Variants in MTIF2 observed in about 807,000 individuals in gnomAD.
MTIF2 encodes the protein mitochondrial translational initiation factor 2, also known as translation initiation factor IF-2, mitochondrial.
MTIF2 carries 71 observed loss-of-function variants against 83.5 expected under a neutral mutation model. That is an observed-to-expected ratio of 0.85 (90% confidence interval 0.70 to 1.04). MTIF2 has a LOEUF of 1.04. Among genes scored for constraint, MTIF2 ranks in the 50% least tolerant of loss-of-function variants. MTIF2 has a pLI of 0.00. For synonymous variants in MTIF2, 319 were observed against 287.1 expected (o/e 1.11, Z -1.12); for missense variants, 957 against 846.5 (o/e 1.13, Z -1.62).
intron 5 of MTIF2, among the ~76,000 whole-genome samples, chr2:55,256,883 G>A (rs921073469): frequency 1.3e-5 from 2 of 151,610 alleles, no homozygotes; most frequent in African/African-American, 4.8e-5. Flanking sequence ...ATTTTTTGTA[G>A]AGAAGGGTTC....
intron 10 of MTIF2, among the ~76,000 whole-genome samples, chr2:55,245,375 A>G (rs1276143997): frequency 6.6e-6 from 1 of 152,098 alleles, no homozygotes; most frequent in Non-Finnish European, 1.5e-5. Flanking sequence ...TACAAAAATT[A>G]GCCAGGCATG....
At chr2:55,268,201 C>T (rs879909819) in intron 2 of MTIF2, among the ~76,000 whole-genome samples, 52 of 151,718 alleles carry the variant, frequency 3.4e-4, no homozygotes, top group Non-Finnish European at 5.4e-4. Context: ...TGCAGTGAGC[C>T]GAGATCAGGC....
chr2:55,257,014 T>G (rs907344451), intron 5 of MTIF2, among the ~76,000 whole-genome samples: 1 of 152,194 alleles, frequency 6.6e-6, no homozygotes, highest in Non-Finnish European at 1.5e-5. Flanking sequence ...TCTTGAAATA[T>G]AGGAAAAATA....
At chr2:55,259,973 T>C (rs1405822484) in intron 5 of MTIF2, among the ~76,000 whole-genome samples, 1 of 152,136 alleles carries the variant, frequency 6.6e-6, no homozygotes, top group African/African-American at 2.4e-5. Context: ...TCAAGCCTAT[T>C]ATCAATACTA....
intron 3 of MTIF2, among the ~76,000 whole-genome samples, chr2:55,265,287 G>T (rs1274160590): frequency 6.7e-6 from 1 of 150,078 alleles, no homozygotes; most frequent in African/African-American, 2.5e-5. Context: ...TTCTTCTTAG[G>T]AAACATTTCC....
At chr2:55,261,927 TCAAAAAAAAAAAC>T (rs1437261430) in intron 5 of MTIF2, among the ~76,000 whole-genome samples, 1 of 76,522 alleles carries the variant, frequency 1.3e-5, no homozygotes, top group African/African-American at 5.9e-5. Context: ...AGACCCTGTC[TCAAAAAAAAAAAC>T]CAAAAAAAAA....
In MTIF2 at chr2:55,263,636, C is replaced by T. The variant is rs752841297; in HGVS notation, c.219+4G>A. ...AAAAAAAAAAAAAAGAAATCTGTAA[C>T]TACCTTTTTTGTTACTAGAAGCCTA... On this transcript the variant is annotated splice_donor_region_variant and intron_variant, in intron 4 of 15. Transcript: ENST00000263629. The T allele has an allele frequency of 6.4e-7, 1 of 1,569,536 alleles. No individual in the cohort carries two copies. Among genetic ancestry groups the T allele is most frequent in the African/African-American group, 1.4e-5 (1 of 72,490 alleles).
At chr2:55,243,958 G>A in intron 11 of MTIF2, 71 bp downstream of exon 11, 1 of 1,244,972 alleles carries the variant, frequency 8.0e-7, no homozygotes, top group Non-Finnish European at 1.1e-6. Flanking sequence ...CACATATTTG[G>A]TATAACATTG....
chr2:55,263,661 A>G lies in MTIF2; in HGVS notation c.198T>C (p.Tyr66=). 3 of 1,613,744 alleles carry G rather than the reference A, an allele frequency of 1.9e-6. No individual in the cohort carries two copies. The highest frequency in any genetic ancestry group is 2.5e-6 in the Non-Finnish European group (3 of 1,179,840). The change falls in exon 4 of 16, where the codon TAT becomes TAC. Residue 66 remains tyrosine, a synonymous_variant. Coordinates refer to ENST00000263629, the MANE Select transcript of MTIF2 (RefSeq NM_002453.3). ...CTACCTTTTTTGTTACTAGAAGCCT[A>G]TACTGAGATAAAGCAGCCCCAGTGA... ...DVLTGAALSQ[Y]RLLVTKKEEG...
intron 10 of MTIF2, among the ~76,000 whole-genome samples, chr2:55,244,839 T>C (rs202198242): frequency 1.3e-5 from 2 of 151,188 alleles, no homozygotes; most frequent in African/African-American, 4.9e-5. Flanking sequence ...CTGAGGTCAG[T>C]AGTTCAAGAC....
intron 5 of MTIF2, 32 bp from the exon 6 acceptor site, chr2:55,254,857 CATTA>C (rs1677392409): frequency 7.3e-7 from 1 of 1,371,532 alleles, no homozygotes; most frequent in Non-Finnish European, 9.7e-7. Flanking sequence ...CTTTTAGGAT[CATTA>C]ATTAAATGCT....
intron 13 of MTIF2, 48 bp from the exon 14 acceptor site, chr2:55,240,223 T>C (rs1287457293): frequency 1.4e-6 from 2 of 1,453,144 alleles, no homozygotes; most frequent in Non-Finnish European, 1.9e-6. Context: ...GATTACATTA[T>C]AATCATTTAT....
chr2:55,243,562 G>A lies in MTIF2; in HGVS notation c.1418C>T (p.Ala473Val). 6.2e-7 allele frequency: 1 copy of A among 1,613,964 alleles called. No homozygotes were observed. The highest frequency in any genetic ancestry group is 8.5e-7 in the Non-Finnish European group (1 of 1,179,976). Residue 473 changes from alanine (A) to valine (V), a missense_variant, in exon 12 of 16, where the codon GCA (alanine) becomes GTA (valine). Ala to Val is a moderately conservative substitution (Grantham distance 64, BLOSUM62 0). Around this residue, in one of 3 missense-constraint regions of MTIF2, gnomAD observed 733 missense variants for 648.7 expected, o/e 1.13. Coordinates refer to ENST00000263629, the MANE Select transcript of MTIF2 (RefSeq NM_002453.3). ...IEEKRKEHKEAHQKAREKYGH... is the reference protein window; with the variant it reads ...IEEKRKEHKEVHQKAREKYGH... ...ATACTTCTCACGGGCTTTCTGATGT[G>A]CTTCTTTGTGTTCCTTTCGCTTTTC...
chr2:55,244,025 A>G lies in MTIF2; in HGVS notation c.1311+4T>C, dbSNP rs749031375. On this transcript the variant is annotated splice_donor_region_variant and intron_variant, in intron 11 of 15. Transcript: ENST00000263629. Reference sequence around the variant, plus strand: ...CTAATATATAGGAATTAAGCTTGATACACCTCAGATTCTACTTCAAGAATT... The same window carrying G: ...CTAATATATAGGAATTAAGCTTGATGCACCTCAGATTCTACTTCAAGAATT... 2.5e-6 allele frequency: 4 copies of G among 1,611,032 alleles called. No homozygotes were observed. Among genetic ancestry groups the G allele is most frequent in the Non-Finnish European group, 3.4e-6 (4 of 1,177,786 alleles).
At position 55,249,504 on chromosome 2, in the gene MTIF2, T is replaced by A. The variant is rs777474408; in HGVS notation, c.872A>T (p.Asp291Val). ...TTTCTCAGGATCAGCCTCAGCTTTG[T>A]CACATTTATTTACGGCAAGGATAAT... ...VPIILAVNKC[D>V]KAEADPEKVK... Residue 291 changes from aspartate (D) to valine (V), a missense_variant, in exon 9 of 16, where the codon GAC (aspartate) becomes GTC (valine). Asp to Val is a radical substitution (Grantham distance 152, BLOSUM62 -3). Around this residue, in one of 3 missense-constraint regions of MTIF2, gnomAD observed 733 missense variants for 648.7 expected, o/e 1.13. Coordinates refer to ENST00000263629, the MANE Select transcript of MTIF2 (RefSeq NM_002453.3). 5 of 1,614,146 alleles carry A rather than the reference T, an allele frequency of 3.1e-6. No individual in the cohort carries two copies. The Admixed American group carries it at 8.3e-5, about 27-fold the overall frequency.
At chr2:55,250,754 C>G in intron 8 of MTIF2, among the ~76,000 whole-genome samples, 1 of 152,112 alleles carries the variant, frequency 6.6e-6, no homozygotes, top group African/African-American at 2.4e-5. Flanking sequence ...CTGTAATTTT[C>G]TCAGGTATCA....
intron 13 of MTIF2, 32 bp from the exon 14 acceptor site, chr2:55,240,207 C>G (rs753388863): frequency 1.3e-6 from 2 of 1,538,712 alleles, no homozygotes; most frequent in Admixed American, 1.7e-5. Context: ...AATGAAGTAG[C>G]ACAACGATTA....
intron 5 of MTIF2, among the ~76,000 whole-genome samples, chr2:55,258,172 T>G (rs1037876134): frequency 4.6e-5 from 7 of 152,208 alleles, no homozygotes; most frequent in Non-Finnish European, 8.8e-5. Flanking sequence ...AAATAATTCC[T>G]TATAATTTAG....
intron 14 of MTIF2, 118 bp from the exon 15 acceptor site, chr2:55,237,546 G>T: frequency 1.1e-6 from 1 of 905,336 alleles, no homozygotes; most frequent in Non-Finnish European, 1.5e-6. Context: ...TTCATGCCTA[G>T]AAAAAAGTCT....
Sources: gnomAD v4.1 joint callset for allele counts (sites outside exome capture counted in the v4.1 genomes callset) on GRCh38, gnomAD v4.1.1 for gene constraint, gnomAD v4.1.1 regional missense constraint, MANE v1.5 for transcripts, NCBI Gene and HGNC (gene_info 2026-07-23, HGNC 2026-07-21) for gene names.